PEX14: variants seen among roughly 807,000 people sequenced by gnomAD.
PEX14 encodes the protein peroxisomal membrane protein PEX14.
Under a neutral mutation model 49.5 loss-of-function variants are expected in PEX14, and 15 were observed. That is an observed-to-expected ratio of 0.30 (90% CI 0.20 to 0.47). The LOEUF is 0.47. Ranked by LOEUF, PEX14 falls within the 20% of genes least tolerant of loss-of-function variation. The probability of loss-of-function intolerance (pLI) is 1.00; values close to 1 mark genes in which losing one functional copy is unlikely to be tolerated. For synonymous variants in PEX14, 210 were observed against 212.7 expected (o/e 0.99, Z 0.11); for missense variants, 398 against 494.8 (o/e 0.80, Z 1.86).
At chr1:10,622,323 C>G (rs1243895939) in intron 5 of PEX14, among the ~76,000 whole-genome samples, 1 of 152,184 alleles carries the variant, frequency 6.6e-6, no homozygotes, top group Non-Finnish European at 1.5e-5. Context: ...CCTTGTGTTT[C>G]CTTCTGGGGA....
At chr1:10,561,836 C>T (rs1247214014) in intron 3 of PEX14, among the ~76,000 whole-genome samples, 3 of 151,830 alleles carry the variant, frequency 2.0e-5, no homozygotes, top group Non-Finnish European at 2.9e-5. Context: ...GTAAAGAGCT[C>T]TCTCCTCTTT....
chr1:10,545,056 C>A (rs1639129973), intron 3 of PEX14, among the ~76,000 whole-genome samples: 1 of 152,144 alleles, frequency 6.6e-6, no homozygotes, highest in Non-Finnish European at 1.5e-5. Context: ...AACTACTGTG[C>A]CTGGCCCTAG....
chr1:10,501,598 G>A (rs1042500272), intron 2 of PEX14, among the ~76,000 whole-genome samples: 20 of 152,140 alleles, frequency 1.3e-4, no homozygotes, highest in African/African-American at 4.1e-4. Context: ...ACCGCGCCCT[G>A]CCCCTATTAG....
At chr1:10,485,644 C>A (rs1641355296) in intron 1 of PEX14, among the ~76,000 whole-genome samples, 1 of 150,952 alleles carries the variant, frequency 6.6e-6, no homozygotes, top group Admixed American at 6.6e-5. Context: ...TTTCAGGATA[C>A]TGTTATATTT....
At chr1:10,527,579 CT>C (rs907566886) in intron 2 of PEX14, among the ~76,000 whole-genome samples, 5 of 148,712 alleles carry the variant, frequency 3.4e-5, no homozygotes, top group African/African-American at 4.9e-5. Flanking sequence ...ATGAGTAGTT[CT>C]TTTTTTTTGT....
chr1:10,490,862 G>A (rs887069281), intron 1 of PEX14, among the ~76,000 whole-genome samples: 4 of 151,762 alleles, frequency 2.6e-5, no homozygotes, highest in South Asian at 2.1e-4. Context: ...GCCACCATGC[G>A]TGGCAAATTT....
intron 3 of PEX14, among the ~76,000 whole-genome samples, chr1:10,555,230 C>CT (rs952819985): frequency 4.0e-5 from 6 of 150,868 alleles, no homozygotes; most frequent in East Asian, 3.9e-4. Context: ...CTCCTATCTG[C>CT]TTTTTTTTTA....
intron 8 of PEX14, among the ~76,000 whole-genome samples, chr1:10,627,632 C>T (rs1570373659): frequency 6.6e-6 from 1 of 152,212 alleles, no homozygotes; most frequent in East Asian, 1.9e-4. Context: ...CAGCTTGAGC[C>T]AAAAAGCAGG....
chr1:10,534,449 A>C, intron 2 of PEX14, among the ~76,000 whole-genome samples: 1 of 149,278 alleles, frequency 6.7e-6, no homozygotes, highest in African/African-American at 2.5e-5. Flanking sequence ...CACCTTTCCT[A>C]CCTCTACCCA....
chr1:10,587,988 G>A (rs1342415857), intron 3 of PEX14, among the ~76,000 whole-genome samples: 1 of 149,288 alleles, frequency 6.7e-6, no homozygotes, highest in East Asian at 2.0e-4. Context: ...CACTTTGGGA[G>A]GCCGAGCGAG....
At chr1:10,544,616 A>G (rs1639113888) in intron 3 of PEX14, among the ~76,000 whole-genome samples, 1 of 152,194 alleles carries the variant, frequency 6.6e-6, no homozygotes, top group Non-Finnish European at 1.5e-5. Flanking sequence ...AACTATCATC[A>G]CAATTAAGAT....
chr1:10,616,248 C>T (rs1361097292), intron 4 of PEX14, among the ~76,000 whole-genome samples: 6 of 152,134 alleles, frequency 3.9e-5, no homozygotes, highest in Non-Finnish European at 7.3e-5. Flanking sequence ...GGTGGGGCTG[C>T]GTGCCAGCAG....
intron 3 of PEX14, among the ~76,000 whole-genome samples, chr1:10,564,595 CTTTTTTTT>C (rs58926587): frequency 1.9e-5 from 2 of 107,142 alleles, no homozygotes; most frequent in African/African-American, 6.4e-5. Flanking sequence ...CTTTTTCTTT[CTTTTTTTT>C]TTTTTTTTTT....
chr1:10,591,311 A>G (rs1280942698), intron 3 of PEX14, among the ~76,000 whole-genome samples: 1 of 151,536 alleles, frequency 6.6e-6, no homozygotes, highest in African/African-American at 2.4e-5. Context: ...GTTAAGCAAG[A>G]AGTTAGAAAT....
intron 3 of PEX14, among the ~76,000 whole-genome samples, chr1:10,588,523 A>G (rs1382129419): frequency 6.6e-6 from 1 of 152,168 alleles, no homozygotes; most frequent in African/African-American, 2.4e-5. Context: ...TTTAAATGGA[A>G]AATTCCAGAA....
In PEX14 at chr1:10,539,174, T is replaced by C. The variant is rs1438299884; in HGVS notation, c.169+2877T>C. Among the ~76,000 whole-genome samples, 1 of 152,146 alleles carries C rather than the reference T, an allele frequency of 6.6e-6. No homozygotes were observed. Among genetic ancestry groups the C allele is most frequent in the Non-Finnish European group, 1.5e-5 (1 of 68,038 alleles). On this transcript the variant is annotated intron_variant, in intron 3 of 8. Coordinates refer to ENST00000356607, the MANE Select transcript of PEX14 (RefSeq NM_004565.3). The surrounding 1 kb of genome is among the most constrained non-coding windows in gnomAD (Gnocchi z 4.6). The stretch of plus-strand genomic sequence containing the variant: ...TACCGACTGGTTAAGTGTTGTGCTC[T>C]GTGACTTCTGGTGGGGGTGCTGGGT...
At chr1:10,614,974 G>A (rs575215286) in intron 4 of PEX14, among the ~76,000 whole-genome samples, 3 of 152,322 alleles carry the variant, frequency 2.0e-5, no homozygotes, top group African/African-American at 7.2e-5. Flanking sequence ...CCTTGGGGTC[G>A]AGGTGAAAGA....
intron 1 of PEX14, among the ~76,000 whole-genome samples, chr1:10,489,781 G>C (rs1641439080): frequency 6.6e-6 from 1 of 152,328 alleles, no homozygotes; most frequent in Non-Finnish European, 1.5e-5. Flanking sequence ...GTGCTCTGCT[G>C]GGGATCCCCG....
At chr1:10,498,990 C>A (rs929500727) in intron 2 of PEX14, among the ~76,000 whole-genome samples, 1 of 152,184 alleles carries the variant, frequency 6.6e-6, no homozygotes, top group African/African-American at 2.4e-5. Context: ...CTGGATCCAG[C>A]TTCTTGTGCT....
Sources: gnomAD v4.1 joint callset for allele counts (sites outside exome capture counted in the v4.1 genomes callset) on GRCh38, gnomAD v4.1.1 for gene constraint, Gnocchi (gnomAD v3.1) non-coding constraint, MANE v1.5 for transcripts, NCBI Gene and HGNC (gene_info 2026-07-23, HGNC 2026-07-21) for gene names.